Variants in HMGXB3 observed in about 807,000 individuals in gnomAD.
HMGXB3 encodes the protein HMG domain-containing protein 3.
Under a neutral mutation model 121.5 loss-of-function variants are expected in HMGXB3, and 45 were observed. That is an observed-to-expected ratio of 0.37 (90% CI 0.29 to 0.47). HMGXB3 has a LOEUF of 0.47. HMGXB3 is among the 20% of genes least tolerant of loss of function. The pLI is 0.99. For synonymous variants in HMGXB3, 590 were observed against 624.1 expected, an observed-to-expected ratio of 0.95 and a Z score of 0.81; for missense variants, 1,376 against 1,602.2, an observed-to-expected ratio of 0.86 and a Z score of 2.41.
chr5:150,036,546 C>G (rs998352072), intron 11 of HMGXB3, 90 bp from the exon 12 acceptor site: 1 of 1,215,050 alleles, frequency 8.2e-7, no homozygotes. Flanking sequence ...TGGGCCCCAT[C>G]TGTCTGCTGC....
intron 16 of HMGXB3, among the ~76,000 whole-genome samples, chr5:150,046,954 G>C (rs1229120804): frequency 6.7e-6 from 1 of 149,190 alleles, no homozygotes; most frequent in African/African-American, 2.5e-5. Flanking sequence ...GTTGTGATCT[G>C]GGCTCACTGC....
chr5:150,009,038 A>AT (rs1002410072), intron 3 of HMGXB3, among the ~76,000 whole-genome samples: 1 of 151,754 alleles, frequency 6.6e-6, no homozygotes, highest in Non-Finnish European at 1.5e-5. Context: ...TACTTCTGAA[A>AT]TTTTTTTTTG....
chr5:150,049,228 A>G (rs949126848), intron 18 of HMGXB3, among the ~76,000 whole-genome samples: 3 of 152,224 alleles, frequency 2.0e-5, no homozygotes, highest in Non-Finnish European at 4.4e-5. Context: ...GGGGGGCCAG[A>G]TCACATAGAG....
chr5:150,026,224 G>C (rs1359647506), intron 7 of HMGXB3, among the ~76,000 whole-genome samples: 1 of 152,202 alleles, frequency 6.6e-6, no homozygotes, highest in African/African-American at 2.4e-5. Context: ...TAGACCTTTT[G>C]TTTGAGACAC....
Position 150,045,374 on chromosome 5 carries a change from G to A in HMGXB3, c.2731-92G>A, listed in dbSNP as rs1362056050. ...TCTGACTTCCCTTCACCAAGCCTTGGCTTCCCTGTGTGTATAATGACGGGG... is the reference window on the plus strand; with the variant it reads ...TCTGACTTCCCTTCACCAAGCCTTGACTTCCCTGTGTGTATAATGACGGGG... On this transcript the variant is annotated intron_variant, in intron 15 of 19. Transcript: ENST00000502717. The A allele has an allele frequency of 7.3e-6, 8 of 1,088,942 alleles. No individual in the cohort carries two copies. In the East Asian group the frequency reaches 1.8e-4, roughly 25 times the overall value. The allele number at this position is 1,088,942 out of a possible 1,614,324, so 67.5% of individuals were successfully genotyped here.
At chr5:150,006,710 C>G in intron 3 of HMGXB3, 63 bp downstream of exon 3, 7 of 1,377,446 alleles carry the variant, frequency 5.1e-6, no homozygotes, top group Non-Finnish European at 7.0e-6. Flanking sequence ...CTTGGGAAAA[C>G]CAAGCCCCTT....
At position 150,036,654 on chromosome 5, in the gene HMGXB3, C is replaced by A; in HGVS notation, c.2002C>A (p.Pro668Thr). The A allele has an allele frequency of 6.5e-7, 1 of 1,546,944 alleles. No homozygotes were observed. The highest frequency in any genetic ancestry group is 8.7e-7 in the Non-Finnish European group (1 of 1,144,640). Residue 668 changes from proline to threonine, a missense_variant, in exon 12 of 20, where the codon CCA (proline) becomes ACA (threonine). Transcript: ENST00000502717. ...TKAIEVSSPL[P>T]DVLNATEPLS... Reference sequence around the variant, plus strand: ...TTCCCAGGAGGTGAGCTCACCACTCCCAGATGTACTGAATGCCACAGAGCC... The same window carrying A: ...TTCCCAGGAGGTGAGCTCACCACTCACAGATGTACTGAATGCCACAGAGCC...
At chr5:150,047,990 C>T (rs1581268043) in intron 17 of HMGXB3, among the ~76,000 whole-genome samples, 1 of 152,226 alleles carries the variant, frequency 6.6e-6, no homozygotes, top group Non-Finnish European at 1.5e-5. Context: ...GTCAGGAATC[C>T]TGGCTCTCCT....
chr5:150,004,466 C>T (rs1409107031), intron 1 of HMGXB3, among the ~76,000 whole-genome samples: 1 of 151,976 alleles, frequency 6.6e-6, no homozygotes, highest in Non-Finnish European at 1.5e-5. Context: ...TTTTTTTAAC[C>T]TGTTTCCATA....
At chr5:150,005,962 C>G (rs940747107) in intron 2 of HMGXB3, among the ~76,000 whole-genome samples, 2 of 152,196 alleles carry the variant, frequency 1.3e-5, no homozygotes, top group Non-Finnish European at 2.9e-5. Flanking sequence ...GAAAGCCAGT[C>G]AAATGAGCCT....
chr5:150,044,518 G>A (rs1756711711), intron 15 of HMGXB3, among the ~76,000 whole-genome samples: 1 of 152,194 alleles, frequency 6.6e-6, no homozygotes, highest in African/African-American at 2.4e-5. Context: ...ACATAGGGCA[G>A]TGGTTCTCAC....
chr5:150,042,510 C>T (rs917585099), intron 15 of HMGXB3, among the ~76,000 whole-genome samples: 1 of 151,810 alleles, frequency 6.6e-6, no homozygotes, highest in Non-Finnish European at 1.5e-5. Context: ...AGGAATATTC[C>T]AGGCAGAGGG....
intron 6 of HMGXB3, among the ~76,000 whole-genome samples, chr5:150,021,406 G>T (rs966564): frequency 2.9e-4 from 44 of 152,322 alleles, no homozygotes; most frequent in Admixed American, 1.6e-3. Context: ...CACTTCTCAG[G>T]CATTGCTGTG....
In HMGXB3 at chr5:150,004,987, C is replaced by G; in HGVS notation, c.135C>G (p.Pro45=). Residue 45 remains proline, a splice_region_variant and synonymous_variant, in exon 2 of 20, where the codon CCC becomes CCG. Transcript: ENST00000502717. ...YKIHGEKTKK[P]RSAYLLYYYD... ...TACATGGAGAAAAGACAAAGAAACC[C>G]AGGTTAGCCAACACATTTTGGTTGC... 1 of 1,546,910 alleles carries G rather than the reference C, an allele frequency of 6.5e-7. No homozygotes were observed. The highest frequency in any genetic ancestry group is 2.0e-5 in the Admixed American group (1 of 49,480).
intron 5 of HMGXB3, among the ~76,000 whole-genome samples, chr5:150,014,478 A>G (rs1440219370): frequency 1.3e-5 from 2 of 152,244 alleles, no homozygotes; most frequent in East Asian, 1.9e-4. Flanking sequence ...TAGGTACAGT[A>G]GCACTTTAAA....
chr5:150,026,998 G>A, intron 8 of HMGXB3, 22 bp from the exon 9 acceptor site: 2 of 1,550,560 alleles, frequency 1.3e-6, no homozygotes, highest in African/African-American at 2.7e-5. Flanking sequence ...TAAGTCACCA[G>A]TTTGGCTCCT....
At chr5:150,024,806 A>G in intron 7 of HMGXB3, 126 bp downstream of exon 7, 2 of 776,954 alleles carry the variant, frequency 2.6e-6, no homozygotes, top group East Asian at 5.5e-5. Context: ...TTAGAGATAC[A>G]GAAACCAAGG....
chr5:150,015,900 G>C (rs1755949602), intron 5 of HMGXB3, among the ~76,000 whole-genome samples: 1 of 152,180 alleles, frequency 6.6e-6, no homozygotes, highest in Admixed American at 6.5e-5. Context: ...AATGTGGTCT[G>C]TCTTGATAAA....
chr5:150,046,321 A>G (rs1172215092), intron 16 of HMGXB3, among the ~76,000 whole-genome samples: 2 of 152,232 alleles, frequency 1.3e-5, no homozygotes, highest in African/African-American at 4.8e-5. Flanking sequence ...CATAGTGAGA[A>G]ATACATTTTG....
Sources: gnomAD v4.1 joint callset for allele counts (sites outside exome capture counted in the v4.1 genomes callset) on GRCh38, gnomAD v4.1.1 for gene constraint, MANE v1.5 for transcripts, NCBI Gene and HGNC (gene_info 2026-07-23, HGNC 2026-07-21) for gene names.